The following MAN1A1 variants were observed in gnomAD, a reference collection of about 807,000 sequenced individuals.
MAN1A1 encodes the protein mannosidase alpha class 1A member 1, also known as mannosyl-oligosaccharide 1,2-alpha-mannosidase IA.
MAN1A1 carries 29 observed loss-of-function variants against 70.8 expected under a neutral mutation model. The observed-to-expected ratio is 0.41, with a 90% confidence interval of 0.31 to 0.56. MAN1A1 has a LOEUF of 0.56. Ranked by LOEUF, MAN1A1 falls within the 20% of genes least tolerant of loss-of-function variation. The probability of loss-of-function intolerance (pLI) is 0.29; values close to 1 mark genes in which losing one functional copy is unlikely to be tolerated. For synonymous variants in MAN1A1, 349 were observed against 330.1 expected (o/e 1.06, Z -0.62); for missense variants, 747 against 841.3 (o/e 0.89, Z 1.39).
intron 11 of MAN1A1, among the ~76,000 whole-genome samples, chr6:119,181,578 T>C (rs1270543052): frequency 6.6e-6 from 1 of 152,130 alleles, no homozygotes; most frequent in African/African-American, 2.4e-5. Flanking sequence ...ACAGATGGGT[T>C]GGGCAGTGTG....
intron 6 of MAN1A1, among the ~76,000 whole-genome samples, chr6:119,222,215 G>A (rs1774382016): frequency 6.6e-6 from 1 of 151,596 alleles, no homozygotes; most frequent in African/African-American, 2.4e-5. Flanking sequence ...ATTATATTTT[G>A]GCTAATATAA....
intron 6 of MAN1A1, among the ~76,000 whole-genome samples, chr6:119,216,832 G>C (rs1338667340): frequency 1.3e-5 from 2 of 152,154 alleles, no homozygotes; most frequent in African/African-American, 4.8e-5. Context: ...AACATGAATG[G>C]AAGTATACCA....
intron 4 of MAN1A1, among the ~76,000 whole-genome samples, chr6:119,299,474 A>T (rs1173452966): frequency 6.6e-6 from 1 of 152,112 alleles, no homozygotes; most frequent in African/African-American, 2.4e-5. Context: ...AATACATAAC[A>T]GTTGTATATA....
At chr6:119,279,476 T>C (rs1776168909) in intron 5 of MAN1A1, among the ~76,000 whole-genome samples, 2 of 152,236 alleles carry the variant, frequency 1.3e-5, no homozygotes, top group Admixed American at 6.5e-5. Context: ...TTTATAAGGA[T>C]TGAGGCTACC....
chr6:119,220,472 C>A (rs559644039), intron 6 of MAN1A1, among the ~76,000 whole-genome samples: 77 of 152,248 alleles, frequency 5.1e-4, no homozygotes, highest in Admixed American at 1.1e-3. Flanking sequence ...ATGCATATAA[C>A]CAATGTTAAA....
intron 2 of MAN1A1, among the ~76,000 whole-genome samples, chr6:119,309,793 G>A (rs1772651447): frequency 6.6e-6 from 1 of 152,128 alleles, no homozygotes; most frequent in African/African-American, 2.4e-5. Context: ...TTTTAACCCA[G>A]AAAATATTAA....
intron 6 of MAN1A1, among the ~76,000 whole-genome samples, chr6:119,209,092 A>G (rs79716049): frequency 7.0e-6 from 1 of 143,214 alleles, no homozygotes; most frequent in African/African-American, 2.9e-5. Flanking sequence ...CCCCGTCTCA[A>G]AAAAAAAAAA....
chr6:119,220,124 CAA>C (rs1562197813), intron 6 of MAN1A1, among the ~76,000 whole-genome samples: 1 of 152,212 alleles, frequency 6.6e-6, no homozygotes, highest in Non-Finnish European at 1.5e-5. Flanking sequence ...GAATGATTTT[CAA>C]AAGACTACCA....
chr6:119,265,418 G>A (rs1286782532), intron 5 of MAN1A1, among the ~76,000 whole-genome samples: 1 of 151,878 alleles, frequency 6.6e-6, no homozygotes, highest in Non-Finnish European at 1.5e-5. Context: ...TTCTTAATAG[G>A]GAAATCAACA....
At chr6:119,291,774 G>A (rs531139550) in intron 4 of MAN1A1, among the ~76,000 whole-genome samples, 4 of 151,780 alleles carry the variant, frequency 2.6e-5, no homozygotes, top group Non-Finnish European at 4.4e-5. Flanking sequence ...TTTCATCTTC[G>A]CATAAAGGAC....
chr6:119,262,870 C>A (rs1002657403), intron 5 of MAN1A1, among the ~76,000 whole-genome samples: 1 of 152,238 alleles, frequency 6.6e-6, no homozygotes, highest in South Asian at 2.1e-4. Context: ...AAGTATAAAT[C>A]CTGGGTGTGT....
chr6:119,252,428 G>T lies in MAN1A1; in HGVS notation c.898-4074C>A, dbSNP rs546317804. 3.2e-4 allele frequency among the ~76,000 whole-genome samples: 48 copies of T among 152,284 alleles called. 1 individual carries two copies. The South Asian group carries it at 9.5e-3, about 30-fold the overall frequency. The stretch of plus-strand genomic sequence containing the variant: ...GTTCAAAATGGGTGGTAAGGCAGCG[G>T]AGACAACCTACAACATCAACAACAC... On this transcript the variant is annotated intron_variant, in intron 5 of 12. Coordinates refer to ENST00000368468, the MANE Select transcript of MAN1A1 (RefSeq NM_005907.4).
intron 5 of MAN1A1, among the ~76,000 whole-genome samples, chr6:119,257,930 C>T (rs945900039): frequency 2.0e-5 from 3 of 151,986 alleles, no homozygotes; most frequent in African/African-American, 7.2e-5. Flanking sequence ...GGCAAATCGC[C>T]AACATGACAT....
chr6:119,214,199 C>CAG (rs1378678871), intron 6 of MAN1A1, among the ~76,000 whole-genome samples: 2 of 151,994 alleles, frequency 1.3e-5, no homozygotes, highest in East Asian at 3.9e-4. Context: ...CTCCTGACCT[C>CAG]GTGATCTGCC....
intron 5 of MAN1A1, among the ~76,000 whole-genome samples, chr6:119,277,231 T>A (rs1214505365): frequency 6.6e-6 from 1 of 152,192 alleles, no homozygotes; most frequent in Non-Finnish European, 1.5e-5. Context: ...ATGACCTCTC[T>A]TGGGAAAACA....
At position 119,341,009 on chromosome 6, in the gene MAN1A1, G is replaced by A. The variant is rs139457683; in HGVS notation, c.603+7454C>T. Reference sequence around the variant, plus strand: ...AAAGTCAAGTAAACAGGAAGGATACGTGTACTTTTCAATTTTATTATCTCT... The same window carrying A: ...AAAGTCAAGTAAACAGGAAGGATACATGTACTTTTCAATTTTATTATCTCT... On this transcript the variant is annotated intron_variant, in intron 2 of 12. Transcript: ENST00000368468. Among the ~76,000 whole-genome samples, 220 of 152,284 alleles carry A rather than the reference G, an allele frequency of 1.4e-3. 2 individuals are homozygous for A. Among genetic ancestry groups the A allele is most frequent in the Non-Finnish European group, 1.7e-3 (114 of 68,024 alleles).
At chr6:119,287,731 T>C (rs1319030127) in intron 5 of MAN1A1, among the ~76,000 whole-genome samples, 1 of 152,000 alleles carries the variant, frequency 6.6e-6, no homozygotes, top group African/African-American at 2.4e-5. Context: ...CAAAAGAAAC[T>C]AGTGGTCTTT....
intron 5 of MAN1A1, among the ~76,000 whole-genome samples, chr6:119,264,490 C>A (rs1000466202): frequency 2.6e-5 from 4 of 152,204 alleles, no homozygotes; most frequent in Non-Finnish European, 5.9e-5. Context: ...TAACAATCAA[C>A]TCTCCATTTG....
At chr6:119,247,758 C>A (rs1775206360) in intron 6 of MAN1A1, among the ~76,000 whole-genome samples, 1 of 152,112 alleles carries the variant, frequency 6.6e-6, no homozygotes, top group Non-Finnish European at 1.5e-5. Context: ...GCTGCCTTCC[C>A]TTCTTACAAC....
Sources: gnomAD v4.1 joint callset for allele counts (sites outside exome capture counted in the v4.1 genomes callset) on GRCh38, gnomAD v4.1.1 for gene constraint, MANE v1.5 for transcripts, NCBI Gene and HGNC (gene_info 2026-07-23, HGNC 2026-07-21) for gene names.